Variants in ADD1 observed in about 807,000 individuals in gnomAD.
ADD1 encodes the protein alpha-adducin.
ADD1 carries 24 observed loss-of-function variants against 80.5 expected under a neutral mutation model. That is an observed-to-expected ratio of 0.30 (90% CI 0.22 to 0.42). The LOEUF (loss-of-function observed/expected upper bound fraction) is 0.42. ADD1 is among the 10% of genes least tolerant of loss of function. The pLI is 1.00. For missense variants in ADD1, 948 were observed against 1,019.0 expected (o/e 0.93, Z 0.95); for synonymous variants, 373 against 393.8 (o/e 0.95, Z 0.63).
chr4:2,887,396 A>C (rs748377148), intron 4 of ADD1: 3 of 134,994 alleles, frequency 2.2e-5, no homozygotes, highest in Non-Finnish European at 4.6e-5. Flanking sequence ...AAGATTGGAG[A>C]TGATTGTCTG....
chr4:2,905,171 C>T (rs778899544), intron 10 of ADD1, 63 bp downstream of exon 10: 13 of 1,532,892 alleles, frequency 8.5e-6, no homozygotes, highest in African/African-American at 8.2e-5. Context: ...GCTGGGGCTT[C>T]GGAGGCTTTG....
intron 14 of ADD1, among the ~76,000 whole-genome samples, chr4:2,924,411 G>A (rs979794852): frequency 6.6e-6 from 1 of 152,192 alleles, no homozygotes; most frequent in Non-Finnish European, 1.5e-5. Flanking sequence ...AGAAGAACCA[G>A]GGGCACAGGG....
intron 4 of ADD1, among the ~76,000 whole-genome samples, chr4:2,888,374 C>T (rs537636524): frequency 7.4e-4 from 111 of 149,896 alleles, no homozygotes; most frequent in African/African-American, 1.2e-3. Flanking sequence ...CCACTGTGCC[C>T]GGCCCAGCAT....
intron 1 of ADD1, among the ~76,000 whole-genome samples, chr4:2,869,267 G>T (rs1730042444): frequency 6.6e-6 from 1 of 152,160 alleles, no homozygotes; most frequent in African/African-American, 2.4e-5. Flanking sequence ...GGGCAGGGCT[G>T]GTTCCTCCCG....
intron 10 of ADD1, among the ~76,000 whole-genome samples, chr4:2,906,860 C>T (rs1225428107): frequency 1.3e-5 from 2 of 152,054 alleles, no homozygotes; most frequent in Non-Finnish European, 2.9e-5. Context: ...TTTTTAAAGT[C>T]GTATGGTTTA....
chr4:2,891,600 G>A (rs897910006), intron 4 of ADD1, among the ~76,000 whole-genome samples: 2 of 152,164 alleles, frequency 1.3e-5, no homozygotes, highest in Non-Finnish European at 2.9e-5. Flanking sequence ...ATTTAGTGTT[G>A]CTGCTCCCAC....
intron 14 of ADD1, among the ~76,000 whole-genome samples, chr4:2,922,890 G>A (rs1179173407): frequency 6.6e-6 from 1 of 152,250 alleles, no homozygotes; most frequent in South Asian, 2.1e-4. Context: ...GCATAGCTGC[G>A]GTGGGCTCTG....
intron 10 of ADD1, chr4:2,907,414 G>A (rs1201358542): frequency 4.7e-6 from 1 of 213,994 alleles, no homozygotes; most frequent in Non-Finnish European, 9.6e-6. Context: ...TGAACCAATG[G>A]TCTCTGAGGG....
intron 13 of ADD1, among the ~76,000 whole-genome samples, chr4:2,909,734 G>A (rs1187760812): frequency 6.6e-6 from 1 of 152,042 alleles, no homozygotes; most frequent in African/African-American, 2.4e-5. Flanking sequence ...CGTGTTTTGG[G>A]TTTCAGAATT....
Position 2,893,612 on chromosome 4 carries a change from C to CA in ADD1, c.511-388dup, listed in dbSNP as rs201849177. Among the ~76,000 whole-genome samples the CA allele has an allele frequency of 9.7e-4, 124 of 128,022 alleles. 1 individual carries two copies. The highest frequency in any genetic ancestry group is 2.2e-3 in the Admixed American group (28 of 12,472). The allele number at this position is 128,022 out of a possible 152,430, so 84.0% of individuals were successfully genotyped here. On this transcript the variant is annotated intron_variant, in intron 4 of 15. Transcript: ENST00000683351. ...TGGGCAACAGAGTGAGACCCTGTCT[C>CA]AAAAAAAAAAAAAGAATAATGTAAG... is the stretch of plus-strand genomic sequence containing the variant.
At chr4:2,915,931 AG>A (rs1461848068) in intron 14 of ADD1, among the ~76,000 whole-genome samples, 1 of 152,112 alleles carries the variant, frequency 6.6e-6, no homozygotes, top group African/African-American at 2.4e-5. Flanking sequence ...CGCCATACTA[AG>A]ACACACCGGG....
intron 1 of ADD1, among the ~76,000 whole-genome samples, chr4:2,871,648 G>A (rs1344801471): frequency 6.6e-6 from 1 of 152,178 alleles, no homozygotes; most frequent in Non-Finnish European, 1.5e-5. Context: ...ACAGCACGGT[G>A]TGATGAGTCC....
intron 2 of ADD1, among the ~76,000 whole-genome samples, chr4:2,880,292 TC>T (rs1333514666): frequency 6.6e-6 from 1 of 151,882 alleles, no homozygotes; most frequent in Non-Finnish European, 1.5e-5. Flanking sequence ...GTTGTGTGCT[TC>T]CCCCAAGTGA....
intron 1 of ADD1, among the ~76,000 whole-genome samples, chr4:2,858,879 G>A (rs566129036): frequency 6.6e-6 from 1 of 152,172 alleles, no homozygotes; most frequent in African/African-American, 2.4e-5. Context: ...GCCAGACATT[G>A]TGCTAGACAT....
At chr4:2,920,875 A>G (rs1336724208) in intron 14 of ADD1, among the ~76,000 whole-genome samples, 1 of 152,138 alleles carries the variant, frequency 6.6e-6, no homozygotes, top group Non-Finnish European at 1.5e-5. Flanking sequence ...TGATCCTGTC[A>G]TTATGATGCT....
At chr4:2,888,052 G>A (rs1165384130) in intron 4 of ADD1, among the ~76,000 whole-genome samples, 1 of 151,698 alleles carries the variant, frequency 6.6e-6, no homozygotes, top group Non-Finnish European at 1.5e-5. Flanking sequence ...ATTAATTACA[G>A]CGTTATTATT....
intron 1 of ADD1, among the ~76,000 whole-genome samples, chr4:2,847,670 G>A (rs1215072008): frequency 6.8e-6 from 1 of 146,958 alleles, no homozygotes; most frequent in Admixed American, 6.7e-5. Flanking sequence ...TGATTGACAT[G>A]TGCCCAAGGT....
At chr4:2,907,557 T>A (rs974413783) in intron 10 of ADD1, 186 bp from the exon 11 acceptor site, 2 of 542,528 alleles carry the variant, frequency 3.7e-6, no homozygotes, top group African/African-American at 4.0e-5. Flanking sequence ...TTAACTGGTC[T>A]TTATGTGGCT....
At chr4:2,901,013 T>A (rs1191536445) in intron 9 of ADD1, 2 of 152,034 alleles carry the variant, frequency 1.3e-5, no homozygotes, top group Non-Finnish European at 2.9e-5. Context: ...CAGGCAGAGG[T>A]GGGTGCCGAT....
Sources: allele counts gnomAD v4.1 joint callset (sites outside exome capture counted in the v4.1 genomes callset), GRCh38; gene constraint gnomAD v4.1.1; transcripts MANE v1.5; gene names NCBI Gene and HGNC (gene_info 2026-07-23, HGNC 2026-07-21).